Variants in KRT8 observed in about 807,000 individuals in gnomAD.
KRT8 encodes keratin 8, also known as keratin, type II cytoskeletal 8.
KRT8 carries 24 observed loss-of-function variants against 43.0 expected under a neutral mutation model. That is an observed-to-expected ratio of 0.56 (90% CI 0.40 to 0.78). KRT8 has a LOEUF of 0.78. Among genes scored for constraint, KRT8 ranks in the 30% least tolerant of loss-of-function variants. The probability of loss-of-function intolerance (pLI) is 0.00; values close to 1 mark genes in which losing one functional copy is unlikely to be tolerated. For missense variants in KRT8, 492 were observed against 638.4 expected (o/e 0.77, Z 2.47); for synonymous variants, 214 against 261.2 (o/e 0.82, Z 1.74).
intron 2 of KRT8, among the ~76,000 whole-genome samples, chr12:52,925,690 G>T (rs1188205610): frequency 6.6e-6 from 1 of 152,146 alleles, no homozygotes; most frequent in Non-Finnish European, 1.5e-5. Context: ...TCCCCTTCAA[G>T]GAAAGTTGGG....
At chr12:52,902,307 G>C in intron 1 of KRT8, 1 of 559,650 alleles carries the variant, frequency 1.8e-6, no homozygotes, top group Non-Finnish European at 3.2e-6. Context: ...AGACAGGTAA[G>C]GTAATTATGT....
At chr12:52,937,394 A>G (rs1371030130) in intron 2 of KRT8, among the ~76,000 whole-genome samples, 3 of 148,938 alleles carry the variant, frequency 2.0e-5, no homozygotes, top group Admixed American at 6.7e-5. Flanking sequence ...AAAGAGAGAG[A>G]GATACAGATG....
chr12:52,945,414 A>T (rs1476064409), intron 2 of KRT8, among the ~76,000 whole-genome samples: 1 of 152,138 alleles, frequency 6.6e-6, no homozygotes. Context: ...TTGTGTATAG[A>T]CCCCATCCTT....
intron 2 of KRT8, chr12:52,926,332 G>GCCCCCCCCCCCCCC: frequency 5.0e-6 from 3 of 600,272 alleles, no homozygotes; most frequent in Non-Finnish European, 9.1e-6. Flanking sequence ...GGCACTAGCT[G>GCCCCCCCCCCCCCC]CCCTCCCCAC....
At chr12:52,938,170 A>ATATATATATATTTTTT (rs1555189967) in intron 2 of KRT8, among the ~76,000 whole-genome samples, 1 of 30,304 alleles carries the variant, frequency 3.3e-5, no homozygotes, top group Non-Finnish European at 5.9e-5. Context: ...ATATATATAT[A>ATATATATATATTTTTT]TTTTTTTTTT....
intron 2 of KRT8, among the ~76,000 whole-genome samples, chr12:52,923,427 G>T (rs550321744): frequency 1.3e-5 from 2 of 151,992 alleles, no homozygotes; most frequent in South Asian, 4.2e-4. Context: ...GTTTTGTTTT[G>T]TTTTGTTTTT....
chr12:52,924,687 TTGTATAGGACACTAC>T (rs1267791009), intron 2 of KRT8, among the ~76,000 whole-genome samples: 11 of 152,306 alleles, frequency 7.2e-5, no homozygotes, highest in East Asian at 5.8e-4. Context: ...AGATAATTGC[TTGTATAGGACACTAC>T]TGTATAGGAC....
intron 1 of KRT8, among the ~76,000 whole-genome samples, chr12:52,902,680 G>C (rs145650963): frequency 6.6e-6 from 1 of 151,928 alleles, no homozygotes; most frequent in Non-Finnish European, 1.5e-5. Context: ...AAGCCACCGC[G>C]CCCGGCCAAA....
chr12:52,918,227 A>AAGAAGAAGG, intron 2 of KRT8, among the ~76,000 whole-genome samples: 1 of 146,196 alleles, frequency 6.8e-6, no homozygotes, highest in Non-Finnish European at 1.6e-5. Flanking sequence ...GAAGAAGAAG[A>AAGAAGAAGG]AGAAGAAGAA....
intron 2 of KRT8, among the ~76,000 whole-genome samples, chr12:52,931,347 G>A (rs563687027): frequency 1.1e-4 from 16 of 152,078 alleles, no homozygotes; most frequent in Non-Finnish European, 1.8e-4. Context: ...GATTATAGGC[G>A]TGAGCCACCA....
intron 2 of KRT8, among the ~76,000 whole-genome samples, chr12:52,915,910 C>G (rs1396418895): frequency 6.6e-6 from 1 of 152,138 alleles, no homozygotes; most frequent in Admixed American, 6.5e-5. Flanking sequence ...ACCTTCTGTA[C>G]CTTATCAACG....
intron 2 of KRT8, among the ~76,000 whole-genome samples, chr12:52,915,985 A>G (rs527678952): frequency 6.6e-6 from 1 of 152,312 alleles, no homozygotes; most frequent in Admixed American, 6.5e-5. Context: ...GGAAGGAGAG[A>G]GCCCTTAGAT....
At chr12:52,930,459 G>T in intron 2 of KRT8, among the ~76,000 whole-genome samples, 1 of 152,162 alleles carries the variant, frequency 6.6e-6, no homozygotes, top group East Asian at 1.9e-4. Context: ...GACCTCAGGC[G>T]ATCCACCCGC....
At chr12:52,941,067 A>AT (rs10706288) in intron 2 of KRT8, among the ~76,000 whole-genome samples, 33,043 of 141,870 alleles carry the variant, frequency 0.23, 4,531 homozygotes, top group Middle Eastern at 0.36. Context: ...CAATACATTA[A>AT]TTTTTTTTTT....
At chr12:52,927,620 C>T (rs1415931221) in intron 2 of KRT8, among the ~76,000 whole-genome samples, 1 of 152,210 alleles carries the variant, frequency 6.6e-6, no homozygotes, top group East Asian at 1.9e-4. Flanking sequence ...CCAGCCAGGC[C>T]TTCTCTGACT....
exon 1 of KRT8, chr12:52,904,739 G>T: frequency 6.2e-7 from 1 of 1,612,708 alleles, no homozygotes; most frequent in Non-Finnish European, 8.5e-7. Context: ...GGATGTTGGG[G>T]TCCACCTCCA....
chr12:52,926,531 C>T (rs1037008835), intron 2 of KRT8: 8 of 1,392,636 alleles, frequency 5.7e-6, no homozygotes, highest in Middle Eastern at 1.7e-4. Flanking sequence ...CCGGAAGTGG[C>T]CACTCCTATA....
intron 2 of KRT8, among the ~76,000 whole-genome samples, chr12:52,921,976 G>A (rs189096333): frequency 6.6e-6 from 1 of 151,686 alleles, no homozygotes; most frequent in Admixed American, 6.6e-5. Context: ...GACCAGCCTG[G>A]ACAACACAGC....
intron 2 of KRT8, among the ~76,000 whole-genome samples, chr12:52,927,562 C>T (rs556085843): frequency 1.8e-3 from 274 of 152,302 alleles, no homozygotes; most frequent in African/African-American, 6.4e-3. Flanking sequence ...GGTGGAGTCG[C>T]GAGGGCCCTG....
Sources: gnomAD v4.1 joint callset for allele counts (sites outside exome capture counted in the v4.1 genomes callset) on GRCh38, gnomAD v4.1.1 for gene constraint, MANE v1.5 for transcripts, NCBI Gene and HGNC (gene_info 2026-07-23, HGNC 2026-07-21) for gene names.